The following ADK variants were observed in gnomAD, a reference collection of about 807,000 sequenced individuals.
ADK encodes adenosine kinase, also known as N6,N6-dimethyladenosine kinase.
ADK carries 24 observed loss-of-function variants against 44.7 expected under a neutral mutation model. The observed-to-expected ratio is 0.54, with a 90% CI of 0.39 to 0.76. The LOEUF is 0.76. ADK is among the 30% of genes least tolerant of loss of function. ADK has a pLI of 0.00. For missense variants in ADK, 321 were observed against 425.1 expected (o/e 0.76, Z 2.15); for synonymous variants, 128 against 142.6 (o/e 0.90, Z 0.73).
chr10:74,317,775 G>GT (rs1295660898), intron 4 of ADK, among the ~76,000 whole-genome samples: 6 of 151,904 alleles, frequency 3.9e-5, no homozygotes, highest in African/African-American at 1.5e-4. Flanking sequence ...TGCTGTTTCT[G>GT]GTTTTTTTGT....
At chr10:74,271,184 T>C (rs575972640) in intron 3 of ADK, among the ~76,000 whole-genome samples, 2 of 152,248 alleles carry the variant, frequency 1.3e-5, no homozygotes, top group South Asian at 4.1e-4. Context: ...TATCAAGTTG[T>C]GGGGGTTTTT....
At chr10:74,316,095 C>A (rs1840608491) in intron 4 of ADK, among the ~76,000 whole-genome samples, 2 of 152,000 alleles carry the variant, frequency 1.3e-5, no homozygotes, top group Admixed American at 6.6e-5. Context: ...CAAAAATTAG[C>A]CAGGTGTGGT....
chr10:74,199,328 C>T (rs1038192621), intron 1 of ADK, among the ~76,000 whole-genome samples: 2 of 152,182 alleles, frequency 1.3e-5, no homozygotes, highest in African/African-American at 4.8e-5. Context: ...TTTTTGAGCC[C>T]TTGCTTTCCT....
chr10:74,161,375 G>A (rs12569368), intron 1 of ADK, among the ~76,000 whole-genome samples: 81,296 of 151,752 alleles, frequency 0.54, 22,765 homozygotes, highest in Non-Finnish European at 0.62. Context: ...CTAAATTTGT[G>A]TATGTGTGTG....
intron 1 of ADK, among the ~76,000 whole-genome samples, chr10:74,174,813 G>A (rs1457279647): frequency 6.6e-6 from 1 of 152,228 alleles, no homozygotes; most frequent in Admixed American, 6.5e-5. Context: ...CAGTTTTATA[G>A]ACCATGGCTT....
chr10:74,210,869 G>C (rs900335341), intron 2 of ADK, among the ~76,000 whole-genome samples: 2 of 152,056 alleles, frequency 1.3e-5, no homozygotes, highest in Admixed American at 6.6e-5. Flanking sequence ...ATTGTAAACT[G>C]CTCTGACACT....
intron 3 of ADK, among the ~76,000 whole-genome samples, chr10:74,237,264 C>A (rs1231396923): frequency 1.3e-5 from 2 of 152,194 alleles, no homozygotes; most frequent in Non-Finnish European, 2.9e-5. Context: ...AGCATCTTCA[C>A]CAGGAGTACA....
intron 4 of ADK, among the ~76,000 whole-genome samples, chr10:74,318,835 A>G (rs1002168051): frequency 6.6e-6 from 1 of 152,240 alleles, no homozygotes; most frequent in Non-Finnish European, 1.5e-5. Context: ...ACTAATTCCT[A>G]TATCTAAACA....
intron 3 of ADK, among the ~76,000 whole-genome samples, chr10:74,226,731 C>G (rs1308303659): frequency 6.6e-6 from 1 of 151,878 alleles, no homozygotes; most frequent in Non-Finnish European, 1.5e-5. Flanking sequence ...CTGTCACTCC[C>G]TGTGTTTTTG....
At position 74,438,793 on chromosome 10, in the gene ADK, A is replaced by G. The variant is rs546331978; in HGVS notation, c.555+40214A>G. Among the ~76,000 whole-genome samples, 5 of 152,146 alleles carry G rather than the reference A, an allele frequency of 3.3e-5. No individual in the cohort carries two copies. The East Asian group carries it at 9.7e-4, about 29-fold the overall frequency. On this transcript the variant is annotated intron_variant, in intron 6 of 10. Transcript: ENST00000539909. ...GTTTTATTTTCATCTCTGATTTTATATGGACATGTTTCAATGCATACAGAC... is the reference window on the plus strand; with the variant it reads ...GTTTTATTTTCATCTCTGATTTTATGTGGACATGTTTCAATGCATACAGAC...
intron 6 of ADK, among the ~76,000 whole-genome samples, chr10:74,441,720 T>C (rs1463525044): frequency 6.6e-6 from 1 of 151,980 alleles, no homozygotes; most frequent in Non-Finnish European, 1.5e-5. Context: ...ATTGTATCTA[T>C]ATCAAACCAA....
chr10:74,422,360 G>GA (rs1257482667), intron 6 of ADK, among the ~76,000 whole-genome samples: 1 of 152,216 alleles, frequency 6.6e-6, no homozygotes, highest in African/African-American at 2.4e-5. Flanking sequence ...CTGACAAGAA[G>GA]AGACTACAGA....
Position 74,608,164 on chromosome 10 carries a change from T to C in ADK, c.877+7671T>C, listed in dbSNP as rs149847622. On this transcript the variant is annotated intron_variant, in intron 9 of 10. Transcript: ENST00000539909. ...TTTCAAGGTTCTTAGCTTCCTTGCA[T>C]TGGGTTAGAACATGGTCCTTTAGCT... Among the ~76,000 whole-genome samples the C allele has an allele frequency of 4.8e-3, 725 of 152,092 alleles. 3 individuals carry two copies. Among genetic ancestry groups the C allele is most frequent in the African/African-American group, 0.016 (646 of 41,512 alleles).
chr10:74,260,702 A>G (rs1846009976), intron 3 of ADK, among the ~76,000 whole-genome samples: 1 of 152,212 alleles, frequency 6.6e-6, no homozygotes, highest in Non-Finnish European at 1.5e-5. Context: ...CAAATAATTC[A>G]GGTAAATTTA....
intron 3 of ADK, among the ~76,000 whole-genome samples, chr10:74,238,823 A>G (rs1845077970): frequency 6.8e-6 from 1 of 146,684 alleles, no homozygotes; most frequent in Non-Finnish European, 1.5e-5. Flanking sequence ...TCAGGAGAAT[A>G]GTATACATTG....
At chr10:74,538,318 T>G (rs1234165381) in intron 7 of ADK, among the ~76,000 whole-genome samples, 2 of 152,110 alleles carry the variant, frequency 1.3e-5, no homozygotes, top group Non-Finnish European at 2.9e-5. Context: ...GCAGTGTTCC[T>G]GCATTGCAAA....
intron 10 of ADK, among the ~76,000 whole-genome samples, chr10:74,695,410 T>G (rs768817632): frequency 2.0e-5 from 3 of 152,174 alleles, no homozygotes; most frequent in Non-Finnish European, 2.9e-5. Flanking sequence ...CTGGCATAAC[T>G]TGCATCGCTT....
intron 6 of ADK, among the ~76,000 whole-genome samples, chr10:74,403,116 GA>G (rs1843776268): frequency 6.6e-6 from 1 of 152,144 alleles, no homozygotes; most frequent in Non-Finnish European, 1.5e-5. Flanking sequence ...CTTTGTCTCA[GA>G]GGGGCGCCCA....
At chr10:74,508,607 G>A (rs1410477444) in intron 6 of ADK, among the ~76,000 whole-genome samples, 1 of 152,106 alleles carries the variant, frequency 6.6e-6, no homozygotes, top group Non-Finnish European at 1.5e-5. Flanking sequence ...AGACAGATTA[G>A]CAAAAATTTT....
Sources: gnomAD v4.1 joint callset for allele counts (sites outside exome capture counted in the v4.1 genomes callset) on GRCh38, gnomAD v4.1.1 for gene constraint, MANE v1.5 for transcripts, NCBI Gene and HGNC (gene_info 2026-07-23, HGNC 2026-07-21) for gene names.